The following ZRANB3 variants were observed in gnomAD, a reference collection of about 807,000 sequenced individuals.
ZRANB3 encodes the protein zinc finger RANBP2-type containing 3.
A neutral mutation model predicts 133.8 loss-of-function variants in ZRANB3; 125 were observed. That is an observed-to-expected ratio of 0.93 (90% CI 0.81 to 1.08). The LOEUF (loss-of-function observed/expected upper bound fraction) is 1.08. ZRANB3 is among the 50% of genes least tolerant of loss of function. The pLI is 0.00. For synonymous variants in ZRANB3, 387 were observed against 432.7 expected, an observed-to-expected ratio of 0.89 and a Z score of 1.31; for missense variants, 1,229 against 1,275.5, an observed-to-expected ratio of 0.96 and a Z score of 0.56.
chr2:135,346,465 T>C (rs1441919230), intron 5 of ZRANB3, among the ~76,000 whole-genome samples: 2 of 152,176 alleles, frequency 1.3e-5, no homozygotes, highest in Non-Finnish European at 2.9e-5. Flanking sequence ...TATATATATA[T>C]GAATATATAG....
At chr2:135,295,008 T>C (rs1681971227) in intron 8 of ZRANB3, among the ~76,000 whole-genome samples, 1 of 152,210 alleles carries the variant, frequency 6.6e-6, no homozygotes, top group Non-Finnish European at 1.5e-5. Context: ...AGGAGTGCTT[T>C]ACTTCTAACT....
intron 6 of ZRANB3, among the ~76,000 whole-genome samples, chr2:135,327,494 ACTT>A (rs1437953592): frequency 2.6e-5 from 4 of 152,196 alleles, no homozygotes; most frequent in African/African-American, 9.6e-5. Flanking sequence ...GGAACAGTCA[ACTT>A]CTTGATTTAG....
chr2:135,366,047 G>A (rs1218619738), intron 3 of ZRANB3, among the ~76,000 whole-genome samples: 2 of 152,190 alleles, frequency 1.3e-5, no homozygotes, highest in African/African-American at 4.8e-5. Context: ...TCAACAGCTT[G>A]AGACAAAATT....
intron 12 of ZRANB3, among the ~76,000 whole-genome samples, chr2:135,247,934 G>C (rs901657836): frequency 9.2e-5 from 14 of 152,006 alleles, no homozygotes; most frequent in African/African-American, 3.4e-4. Flanking sequence ...TTTTAAGTGA[G>C]TCCCCGATCC....
At chr2:135,480,856 T>C (rs1432667762) in intron 2 of ZRANB3, among the ~76,000 whole-genome samples, 6 of 134,016 alleles carry the variant, frequency 4.5e-5, no homozygotes, top group Admixed American at 2.4e-4. Flanking sequence ...TGAGTGAGAA[T>C]ATGCGGTGTT....
chr2:135,355,750 C>CT (rs1685404880), intron 3 of ZRANB3, among the ~76,000 whole-genome samples: 2 of 152,160 alleles, frequency 1.3e-5, no homozygotes, highest in Admixed American at 6.5e-5. Context: ...GGAACTGAGG[C>CT]TTGGCCCTAT....
chr2:135,366,294 G>A (rs931636353), intron 3 of ZRANB3, among the ~76,000 whole-genome samples: 2 of 151,488 alleles, frequency 1.3e-5, no homozygotes, highest in African/African-American at 2.4e-5. Context: ...AAGAAAGGAC[G>A]CCTTTGTGAA....
At chr2:135,397,795 C>T (rs1687558881) in intron 2 of ZRANB3, among the ~76,000 whole-genome samples, 1 of 152,068 alleles carries the variant, frequency 6.6e-6, no homozygotes, top group Non-Finnish European at 1.5e-5. Flanking sequence ...CAATAAGCTA[C>T]AGTATTCTGC....
At chr2:135,218,021 C>T (rs1694385282) in intron 16 of ZRANB3, among the ~76,000 whole-genome samples, 1 of 152,058 alleles carries the variant, frequency 6.6e-6, no homozygotes, top group South Asian at 2.1e-4. Flanking sequence ...CTATGTTGCC[C>T]AGGCTCGTCT....
chr2:135,351,265 CTT>C (rs34205567), intron 4 of ZRANB3, among the ~76,000 whole-genome samples: 81 of 119,688 alleles, frequency 6.8e-4, no homozygotes, highest in African/African-American at 2.1e-3. Flanking sequence ...CTATAATTTT[CTT>C]TTTTTTTTTT....
At chr2:135,219,642 G>A (rs540309114) in intron 15 of ZRANB3, among the ~76,000 whole-genome samples, 1 of 152,264 alleles carries the variant, frequency 6.6e-6, no homozygotes, top group South Asian at 2.1e-4. Context: ...TGGTATCAAG[G>A]AATAGTCTTA....
chr2:135,372,450 A>G (rs535651603), intron 3 of ZRANB3, among the ~76,000 whole-genome samples: 17 of 152,124 alleles, frequency 1.1e-4, no homozygotes, highest in African/African-American at 4.1e-4. Flanking sequence ...CATGCTTAGG[A>G]TAACTGGAGG....
rs142142537 is a variant in ZRANB3 at position 135,479,383 on chromosome 2, C to T, written c.161+24946G>A. On this transcript the variant is annotated intron_variant, in intron 2 of 20. Transcript: ENST00000264159. ...GGCACGGTGGCTCATGCCTGTAATC[C>T]CAGCACTCTGGGAGGCTGAGGCAGG... Among the ~76,000 whole-genome samples, 308 of 152,178 alleles carry T rather than the reference C, an allele frequency of 2.0e-3. 2 individuals carry two copies. The highest frequency in any genetic ancestry group is 6.6e-3 in the African/African-American group (276 of 41,522).
At chr2:135,288,197 A>AT (rs1429653070) in intron 8 of ZRANB3, among the ~76,000 whole-genome samples, 1 of 151,952 alleles carries the variant, frequency 6.6e-6, no homozygotes, top group African/African-American at 2.4e-5. Context: ...TGATCATGTA[A>AT]TTTTTGTTTT....
chr2:135,206,489 C>T (rs1693863590), intron 19 of ZRANB3, among the ~76,000 whole-genome samples: 1 of 152,114 alleles, frequency 6.6e-6, no homozygotes, highest in Non-Finnish European at 1.5e-5. Context: ...ATACACCTGC[C>T]TTGGCCTCCC....
At chr2:135,255,089 C>T (rs1679588582) in intron 12 of ZRANB3, among the ~76,000 whole-genome samples, 1 of 152,122 alleles carries the variant, frequency 6.6e-6, no homozygotes, top group African/African-American at 2.4e-5. Context: ...AAACCCTATA[C>T]TCATTAGGCA....
At chr2:135,224,391 T>A in intron 15 of ZRANB3, 35 bp downstream of exon 15, 1 of 1,517,374 alleles carries the variant, frequency 6.6e-7, no homozygotes, top group Non-Finnish European at 8.9e-7. Context: ...AAGTCTTTTT[T>A]ATGTTTCAAG....
chr2:135,417,838 C>T (rs1248966300), intron 2 of ZRANB3, among the ~76,000 whole-genome samples: 1 of 152,070 alleles, frequency 6.6e-6, no homozygotes, highest in African/African-American at 2.4e-5. Flanking sequence ...GAAATCATCA[C>T]TCTCAGTAAA....
At chr2:135,289,448 G>A (rs1304393216) in intron 8 of ZRANB3, among the ~76,000 whole-genome samples, 4 of 152,064 alleles carry the variant, frequency 2.6e-5, no homozygotes, top group Non-Finnish European at 5.9e-5. Context: ...TAGCGACGGG[G>A]TTTCACCATG....
Sources: gnomAD v4.1 joint callset for allele counts (sites outside exome capture counted in the v4.1 genomes callset) on GRCh38, gnomAD v4.1.1 for gene constraint, MANE v1.5 for transcripts, NCBI Gene and HGNC (gene_info 2026-07-23, HGNC 2026-07-21) for gene names.